YWHAH: variants seen among roughly 807,000 people sequenced by gnomAD.
The protein encoded by YWHAH is 14-3-3 protein eta.
Under a neutral mutation model 22.9 loss-of-function variants are expected in YWHAH, and 6 were observed. The ratio of observed to expected loss-of-function variants is 0.26; its 90% confidence interval spans 0.14 to 0.52. YWHAH has a LOEUF of 0.52. YWHAH is among the 20% of genes least tolerant of loss of function. The pLI, the probability that YWHAH is intolerant of heterozygous loss-of-function variation, is 0.97. For synonymous variants in YWHAH, 135 were observed against 124.5 expected, an observed-to-expected ratio of 1.08 and a Z score of -0.56; for missense variants, 173 against 308.6, an observed-to-expected ratio of 0.56 and a Z score of 3.29.
chr22:31,950,356 C>T (rs1373772035), intron 1 of YWHAH: 1 of 779,540 alleles, frequency 1.3e-6, no homozygotes, highest in Admixed American at 1.7e-5. Flanking sequence ...AGCTTGTCTT[C>T]TGTCCCAGCA....
chr22:31,949,173 C>T (rs2093839444), intron 1 of YWHAH, among the ~76,000 whole-genome samples: 1 of 103,614 alleles, frequency 9.7e-6, no homozygotes, highest in Admixed American at 1.2e-4. Context: ...CAGTTTCGCT[C>T]TTGTTGCCCA....
chr22:31,953,147 G>A (rs779997510), intron 1 of YWHAH, among the ~76,000 whole-genome samples: 1 of 152,176 alleles, frequency 6.6e-6, no homozygotes, highest in Non-Finnish European at 1.5e-5. Flanking sequence ...AAGCAGCTTT[G>A]TTAGTCACAG....
At chr22:31,947,503 T>C (rs1417308523) in intron 1 of YWHAH, 3 of 471,352 alleles carry the variant, frequency 6.4e-6, no homozygotes, top group South Asian at 4.6e-5. Flanking sequence ...TGAAGAAAAA[T>C]CGTGCATACT....
intron 1 of YWHAH, among the ~76,000 whole-genome samples, chr22:31,946,403 C>T (rs1049972248): frequency 6.6e-6 from 1 of 152,156 alleles, no homozygotes; most frequent in Non-Finnish European, 1.5e-5. Context: ...ATAAAGCTGC[C>T]TCTGTCCACA....
At position 31,944,780 on chromosome 22, in the gene YWHAH, A is replaced by G; in HGVS notation, c.47A>G (p.Gln16Arg). The G allele has an allele frequency of 7.0e-7, 1 of 1,422,176 alleles. No homozygotes were observed. The highest frequency in any genetic ancestry group is 3.2e-5 in the East Asian group (1 of 31,006). The allele number at this position is 1,422,176 out of a possible 1,614,324, so 88.1% of individuals were successfully genotyped here. ...QLLQRARLAE[Q>R]AERYDDMASA... ...CTGCAGCGGGCGCGGCTGGCCGAGCAGGCGGAGCGCTACGACGACATGGCC... is the reference window on the plus strand; with the variant it reads ...CTGCAGCGGGCGCGGCTGGCCGAGCGGGCGGAGCGCTACGACGACATGGCC... The change falls in exon 1 of 2, where the codon CAG (glutamine) becomes CGG (arginine). Residue 16 changes from glutamine (Q) to arginine (R), a missense_variant. Transcript: ENST00000248975.
Position 31,950,246 on chromosome 22 carries a change from G to A in YWHAH, c.87+5426G>A, listed in dbSNP as rs149591282. 731 of 742,362 alleles carry A rather than the reference G, an allele frequency of 9.8e-4. 5 individuals carry two copies. In the African/African-American group the frequency reaches 0.011, roughly 11 times the overall value. The allele number at this position is 742,362 out of a possible 1,614,324, so 46.0% of individuals were successfully genotyped here. ...GTTGTTTCTCCATATTGCCTTTAAT[G>A]TATTTTTCTCCCTGCACCCTTTAGT... On this transcript the variant is annotated intron_variant, in intron 1 of 1. Transcript: ENST00000248975.
chr22:31,949,305 C>T (rs1035584882), intron 1 of YWHAH, among the ~76,000 whole-genome samples: 4 of 151,094 alleles, frequency 2.6e-5, no homozygotes, highest in African/African-American at 4.9e-5. Context: ...ATGCCATGCC[C>T]GCCTAATTTT....
At position 31,956,906 on chromosome 22, in the gene YWHAH, G is replaced by T; in HGVS notation, c.*114G>T. The T allele has an allele frequency of 7.7e-7, 1 of 1,302,166 alleles. No homozygotes were observed. Among genetic ancestry groups the T allele is most frequent in the Non-Finnish European group, 1.0e-6 (1 of 972,054 alleles). 80.7% of individuals were successfully genotyped at this position (1,302,166 alleles called of 1,614,324 possible). On this transcript the variant is annotated 3_prime_UTR_variant, in exon 2 of 2. Transcript: ENST00000248975. This position sits in a 1 kb window ranked among gnomAD's most constrained non-coding sequence, Gnocchi z 5.1. ...TAAACCTATCTGTATTGGCAGCACA[G>T]CTACTCAGATCTGCACTCCTGTCTC... is the stretch of plus-strand genomic sequence containing the variant.
At chr22:31,953,099 T>C (rs2093845348) in intron 1 of YWHAH, among the ~76,000 whole-genome samples, 1 of 152,238 alleles carries the variant, frequency 6.6e-6, no homozygotes. Context: ...TGATATACTC[T>C]GGGAAGTTAC....
chr22:31,954,476 C>T (rs1057419167), intron 1 of YWHAH, among the ~76,000 whole-genome samples: 4 of 152,256 alleles, frequency 2.6e-5, no homozygotes, highest in Non-Finnish European at 4.4e-5. Context: ...GTTAGGAACT[C>T]TTGTTAGGAA....
In YWHAH at chr22:31,956,925, C is replaced by G; in HGVS notation, c.*133C>G. 1.7e-6 allele frequency: 2 copies of G among 1,178,332 alleles called. No homozygotes were observed. Among genetic ancestry groups the G allele is most frequent in the East Asian group, 5.2e-5 (2 of 38,722 alleles). 73.0% of individuals were successfully genotyped at this position (1,178,332 alleles called of 1,614,324 possible). A position where few individuals can be genotyped will look rare whatever the true frequency, so the allele number is the denominator to read the frequency against. On this transcript the variant is annotated 3_prime_UTR_variant, in exon 2 of 2. Coordinates refer to ENST00000248975, the MANE Select transcript of YWHAH (RefSeq NM_003405.4). This position sits in a 1 kb window ranked among gnomAD's most constrained non-coding sequence, Gnocchi z 5.1. Reference sequence around the variant, plus strand: ...AGCACAGCTACTCAGATCTGCACTCCTGTCTCTTGGGAAGCAGTTTCAGAT... The same window carrying G: ...AGCACAGCTACTCAGATCTGCACTCGTGTCTCTTGGGAAGCAGTTTCAGAT...
At chr22:31,949,950 CA>C (rs2093840750) in intron 1 of YWHAH, among the ~76,000 whole-genome samples, 1 of 142,626 alleles carries the variant, frequency 7.0e-6, no homozygotes, top group South Asian at 2.3e-4. Flanking sequence ...CTGTTGGGTG[CA>C]AGTCATTTTT....
In YWHAH at chr22:31,956,348, T is replaced by A; in HGVS notation, c.297T>A (p.Asp99Glu). 1.2e-6 allele frequency: 2 copies of A among 1,614,160 alleles called. No individual in the cohort carries two copies. Among genetic ancestry groups the A allele is most frequent in the Non-Finnish European group, 1.7e-6 (2 of 1,180,024 alleles). Residue 99 changes from aspartate to glutamate, a missense_variant, in exon 2 of 2, where the codon GAT (aspartate) becomes GAA (glutamate). By Grantham distance (45) the Asp-to-Glu change is conservative. Coordinates refer to ENST00000248975, the MANE Select transcript of YWHAH (RefSeq NM_003405.4). This position sits in a 1 kb window ranked among gnomAD's most constrained non-coding sequence, Gnocchi z 5.1. ...AGGAGCTGGAGACAGTTTGCAATGA[T>A]GTCCTGTCTCTGCTTGACAAGTTCC... ...IEKELETVCN[D>E]VLSLLDKFLI...
chr22:31,957,529 A>G lies in YWHAH; in HGVS notation c.*737A>G, dbSNP rs1372271376. 6.6e-6 allele frequency: 1 copy of G among 152,470 alleles called. No individual in the cohort carries two copies. The highest frequency in any genetic ancestry group is 2.4e-5 in the African/African-American group (1 of 41,404). The allele number at this position is 152,470 out of a possible 1,614,324, so 9.4% of individuals were successfully genotyped here. ...CAGCCCATGTCAATCAAGATGGGTGATTATGAAATGCCAGACTTCTAAAAT... is the reference window on the plus strand; with the variant it reads ...CAGCCCATGTCAATCAAGATGGGTGGTTATGAAATGCCAGACTTCTAAAAT... On this transcript the variant is annotated 3_prime_UTR_variant, in exon 2 of 2. Coordinates refer to ENST00000248975, the MANE Select transcript of YWHAH (RefSeq NM_003405.4).
At chr22:31,954,329 C>T (rs982993779) in intron 1 of YWHAH, among the ~76,000 whole-genome samples, 5 of 152,100 alleles carry the variant, frequency 3.3e-5, no homozygotes, top group African/African-American at 1.2e-4. Context: ...AATTAAAGAC[C>T]TTTACCAGTA....
At chr22:31,945,924 C>T (rs1264517583) in intron 1 of YWHAH, among the ~76,000 whole-genome samples, 5 of 152,138 alleles carry the variant, frequency 3.3e-5, no homozygotes, top group Non-Finnish European at 7.3e-5. Flanking sequence ...TAAATGTATC[C>T]TTTGCTGGCC....
intron 1 of YWHAH, chr22:31,945,649 A>ACT: frequency 7.8e-7 from 1 of 1,284,950 alleles, no homozygotes; most frequent in South Asian, 1.2e-5. Flanking sequence ...TTACCATCTC[A>ACT]CTCTCTCTCC....
chr22:31,944,880 G>C (rs1477229512), intron 1 of YWHAH, 60 bp downstream of exon 1: 3 of 1,225,574 alleles, frequency 2.4e-6, no homozygotes, highest in Non-Finnish European at 3.1e-6. Flanking sequence ...GGGAGGGACG[G>C]GGATGGCCGC....
At chr22:31,951,289 G>A (rs1028812473) in intron 1 of YWHAH, among the ~76,000 whole-genome samples, 2 of 152,100 alleles carry the variant, frequency 1.3e-5, no homozygotes, top group African/African-American at 4.8e-5. Context: ...TTATGATGTG[G>A]TTATGTTTAC....
Sources: allele counts gnomAD v4.1 joint callset (sites outside exome capture counted in the v4.1 genomes callset), GRCh38; gene constraint gnomAD v4.1.1; non-coding constraint Gnocchi (gnomAD v3.1); transcripts MANE v1.5; gene names NCBI Gene and HGNC (gene_info 2026-07-23, HGNC 2026-07-21).